ABI2: variants seen among roughly 807,000 people sequenced by gnomAD.
ABI2 encodes abelson interactor 2.
ABI2 carries 25 observed loss-of-function variants against 59.2 expected under a neutral mutation model. The ratio of observed to expected loss-of-function variants is 0.42; its 90% CI spans 0.31 to 0.59. The LOEUF is 0.59. Among genes scored for constraint, ABI2 ranks in the 20% least tolerant of loss-of-function variants. ABI2 has a pLI of 0.14. For missense variants in ABI2, 545 were observed against 681.8 expected (o/e 0.80, Z 2.23); for synonymous variants, 213 against 235.5 (o/e 0.90, Z 0.87).
At chr2:203,394,952 A>G (rs1326797072) in intron 6 of ABI2, 106 bp downstream of exon 6, 3 of 1,277,226 alleles carry the variant, frequency 2.3e-6, no homozygotes, top group South Asian at 2.5e-5. Flanking sequence ...TCTTTTCCTC[A>G]CTCTATTCTC....
chr2:203,364,302 C>G (rs1472311048), intron 1 of ABI2, among the ~76,000 whole-genome samples: 1 of 152,078 alleles, frequency 6.6e-6, no homozygotes, highest in Non-Finnish European at 1.5e-5. Context: ...CCATGTTGGT[C>G]AGGCTACTCT....
At chr2:203,415,490 G>A (rs1055901619) in intron 10 of ABI2, among the ~76,000 whole-genome samples, 6 of 151,810 alleles carry the variant, frequency 4.0e-5, no homozygotes, top group African/African-American at 7.3e-5. Flanking sequence ...GGTGGCGGGC[G>A]CCTGTAGTCC....
At chr2:203,371,234 C>T (rs2095150140) in intron 2 of ABI2, among the ~76,000 whole-genome samples, 1 of 152,130 alleles carries the variant, frequency 6.6e-6, no homozygotes, top group African/African-American at 2.4e-5. Flanking sequence ...GGTCTCAACC[C>T]TCTATTACTT....
intron 2 of ABI2, among the ~76,000 whole-genome samples, chr2:203,377,581 C>G (rs1412392462): frequency 6.6e-6 from 1 of 151,992 alleles, no homozygotes; most frequent in African/African-American, 2.4e-5. Context: ...TATTTCTAGC[C>G]CATACTTTTA....
chr2:203,352,690 T>A (rs1272790477), intron 1 of ABI2, among the ~76,000 whole-genome samples: 1 of 152,234 alleles, frequency 6.6e-6, no homozygotes, highest in Non-Finnish European at 1.5e-5. Flanking sequence ...AAGGTTAATT[T>A]ATTATTGGAG....
At chr2:203,401,756 T>G (rs1162696676) in intron 8 of ABI2, among the ~76,000 whole-genome samples, 6 of 152,208 alleles carry the variant, frequency 3.9e-5, no homozygotes, top group African/African-American at 1.4e-4. Flanking sequence ...AAGAAATGTT[T>G]GATTTGGAAT....
At chr2:203,342,163 T>C (rs1016116721) in intron 1 of ABI2, 11 of 452,480 alleles carry the variant, frequency 2.4e-5, no homozygotes, top group African/African-American at 8.0e-5. Flanking sequence ...TATTTTATTA[T>C]ATGTTTTTTT....
chr2:203,420,965 G>T (rs1458906348), intron 11 of ABI2, among the ~76,000 whole-genome samples: 1 of 149,258 alleles, frequency 6.7e-6, no homozygotes, highest in Non-Finnish European at 1.5e-5. Context: ...ATGAGGGTGG[G>T]GGTGGGTTGT....
At chr2:203,360,184 CAAAAAAAA>C (rs58857922) in intron 1 of ABI2, among the ~76,000 whole-genome samples, 3 of 70,904 alleles carry the variant, frequency 4.2e-5, no homozygotes, top group African/African-American at 1.6e-4. Context: ...GACTCCATCT[CAAAAAAAA>C]AAAAAAAAAA....
At chr2:203,410,859 C>T (rs557416843) in intron 9 of ABI2, among the ~76,000 whole-genome samples, 2 of 151,714 alleles carry the variant, frequency 1.3e-5, no homozygotes, top group Non-Finnish European at 2.9e-5. Context: ...TTGTAACCTT[C>T]CAAGGTAAAA....
intron 1 of ABI2, among the ~76,000 whole-genome samples, chr2:203,352,197 T>G (rs1166843989): frequency 6.6e-6 from 1 of 152,194 alleles, no homozygotes; most frequent in Non-Finnish European, 1.5e-5. Context: ...GCTGCCCCCA[T>G]GCCTATAATC....
rs1312712237 is a variant in ABI2, at chr2:203,368,984, A to AATTTTTTTTTTTTTTTTTTTTTT, written c.285+1940_285+1941insATTTTTTTTTTTTTTTTTTTTTT. Among the ~76,000 whole-genome samples, 18 of 91,118 alleles carry AATTTTTTTTTTTTTTTTTTTTTT rather than the reference A, an allele frequency of 2.0e-4. 9 individuals carry two copies. Among genetic ancestry groups the AATTTTTTTTTTTTTTTTTTTTTT allele is most frequent in the African/African-American group, 1.8e-4 (4 of 22,452 alleles). 59.8% of individuals were successfully genotyped at this position (91,118 alleles called of 152,430 possible). On this transcript the variant is annotated intron_variant, in intron 2 of 11. Coordinates refer to ENST00000261018, the MANE Select transcript of ABI2 (RefSeq NM_001375670.1). ...TACAGGCACGTGCCATGCTTGGCTG[A>AATTTTTTTTTTTTTTTTTTTTTT]TTTTTTTTTTTTTTTTTTTTTTTTT...
rs1440121887 is a variant in ABI2, at chr2:203,430,287, T to C, written c.*2935T>C. The C allele has an allele frequency of 6.6e-6, 1 of 152,120 alleles. No individual in the cohort carries two copies. Among genetic ancestry groups the C allele is most frequent in the African/African-American group, 2.4e-5 (1 of 41,400 alleles). The allele number at this position is 152,120 out of a possible 1,614,324, so 9.4% of individuals were successfully genotyped here. ...CTTACATGCTGTGTACTATTAATAT[T>C]ATAACAGACGATCCAAGTCCAAAAT... On this transcript the variant is annotated 3_prime_UTR_variant, in exon 12 of 12. Transcript: ENST00000261018.
chr2:203,354,696 A>G (rs935170692), intron 1 of ABI2, among the ~76,000 whole-genome samples: 1 of 144,764 alleles, frequency 6.9e-6, no homozygotes, highest in Non-Finnish European at 1.6e-5. Flanking sequence ...CCCAGTTCAC[A>G]TATTGTGATA....
intron 1 of ABI2, among the ~76,000 whole-genome samples, chr2:203,360,996 G>C (rs1480758235): frequency 6.6e-6 from 1 of 152,220 alleles, no homozygotes; most frequent in Non-Finnish European, 1.5e-5. Context: ...CTGAGGAGAA[G>C]CGTGGCCTCA....
At chr2:203,343,956 A>T (rs1325058243) in intron 1 of ABI2, among the ~76,000 whole-genome samples, 1 of 152,060 alleles carries the variant, frequency 6.6e-6, no homozygotes, top group Non-Finnish European at 1.5e-5. Context: ...AAGACGAGAG[A>T]GACCCCGTCT....
At chr2:203,426,300 TGGAGCAAAG>T (rs2098423483) in intron 11 of ABI2, among the ~76,000 whole-genome samples, 1 of 152,106 alleles carries the variant, frequency 6.6e-6, no homozygotes. Context: ...ATGAAGAGGT[TGGAGCAAAG>T]GATAATTCTT....
chr2:203,339,003 TATATAA>T (rs2078279422), intron 1 of ABI2, among the ~76,000 whole-genome samples: 1 of 83,022 alleles, frequency 1.2e-5, no homozygotes, highest in African/African-American at 5.2e-5. Context: ...TATATATATA[TATATAA>T]AGGATTCATA....
At chr2:203,397,497 C>T (rs2097052230) in intron 8 of ABI2, among the ~76,000 whole-genome samples, 1 of 152,118 alleles carries the variant, frequency 6.6e-6, no homozygotes, top group Non-Finnish European at 1.5e-5. Flanking sequence ...AAATTGCAAT[C>T]TAAAATCTGT....
Sources: gnomAD v4.1 joint callset for allele counts (sites outside exome capture counted in the v4.1 genomes callset) on GRCh38, gnomAD v4.1.1 for gene constraint, MANE v1.5 for transcripts, NCBI Gene and HGNC (gene_info 2026-07-23, HGNC 2026-07-21) for gene names.